ZNF385B: variants seen among roughly 807,000 people sequenced by gnomAD.
The protein encoded by ZNF385B is zinc finger protein 385B, also known as zinc finger protein 533.
Under a neutral mutation model 39.2 loss-of-function variants are expected in ZNF385B, and 23 were observed. The ratio of observed to expected loss-of-function variants is 0.59; its 90% CI spans 0.42 to 0.83. The LOEUF (loss-of-function observed/expected upper bound fraction) is 0.83. ZNF385B is among the 40% of genes least tolerant of loss of function. The probability of loss-of-function intolerance (pLI) is 0.00; values close to 1 mark genes in which losing one functional copy is unlikely to be tolerated. For missense variants in ZNF385B, 552 were observed against 598.9 expected (o/e 0.92, Z 0.82); for synonymous variants, 205 against 222.6 (o/e 0.92, Z 0.70).
chr2:179,467,485 A>G (rs1003392005), intron 6 of ZNF385B, among the ~76,000 whole-genome samples: 4 of 152,222 alleles, frequency 2.6e-5, no homozygotes, highest in African/African-American at 9.6e-5. Context: ...TTAAGTCATA[A>G]GCCCAGAAAT....
chr2:179,541,558 AT>A (rs1185124186), intron 4 of ZNF385B, among the ~76,000 whole-genome samples: 1 of 152,172 alleles, frequency 6.6e-6, no homozygotes, highest in Non-Finnish European at 1.5e-5. Flanking sequence ...AACTGACCTC[AT>A]TTCTTATATT....
At chr2:179,751,879 T>C in intron 3 of ZNF385B, among the ~76,000 whole-genome samples, 1 of 152,124 alleles carries the variant, frequency 6.6e-6, no homozygotes, top group South Asian at 2.1e-4. Context: ...GACTTTAAAA[T>C]CTACTCAAGC....
chr2:179,662,073 G>A (rs2106279576), intron 3 of ZNF385B, among the ~76,000 whole-genome samples: 1 of 152,336 alleles, frequency 6.6e-6, no homozygotes, highest in African/African-American at 2.4e-5. Context: ...ATATAGATTT[G>A]TTATTAGTGA....
At chr2:179,834,526 T>C (rs954811883) in intron 1 of ZNF385B, among the ~76,000 whole-genome samples, 4 of 152,186 alleles carry the variant, frequency 2.6e-5, no homozygotes, top group Non-Finnish European at 5.9e-5. Context: ...ACTGATATTT[T>C]AAAACGAAAG....
chr2:179,518,984 A>T (rs1433823513), intron 4 of ZNF385B, among the ~76,000 whole-genome samples: 1 of 152,166 alleles, frequency 6.6e-6, no homozygotes, highest in African/African-American at 2.4e-5. Context: ...GTTAAAATTA[A>T]CTTTTATTTT....
intron 3 of ZNF385B, among the ~76,000 whole-genome samples, chr2:179,647,333 T>C (rs540943383): frequency 6.6e-6 from 1 of 152,266 alleles, no homozygotes; most frequent in East Asian, 1.9e-4. Flanking sequence ...TTTTGTTACA[T>C]GCATATAACA....
At chr2:179,492,868 G>A (rs574027779) in intron 5 of ZNF385B, among the ~76,000 whole-genome samples, 6 of 152,080 alleles carry the variant, frequency 3.9e-5, no homozygotes, top group South Asian at 2.1e-4. Flanking sequence ...TTTAGTAGTC[G>A]CTTAGCCCAT....
At chr2:179,787,465 A>G (rs1705073587) in intron 1 of ZNF385B, among the ~76,000 whole-genome samples, 1 of 152,144 alleles carries the variant, frequency 6.6e-6, no homozygotes. Flanking sequence ...AAACCAATAC[A>G]ATATCTCTTA....
intron 3 of ZNF385B, among the ~76,000 whole-genome samples, chr2:179,689,253 G>C (rs1698160097): frequency 6.6e-6 from 1 of 152,188 alleles, no homozygotes; most frequent in African/African-American, 2.4e-5. Flanking sequence ...CAATGGTTAT[G>C]ACAAGGAAGA....
chr2:179,717,261 A>G (rs1377778206), intron 3 of ZNF385B, among the ~76,000 whole-genome samples: 1 of 152,230 alleles, frequency 6.6e-6, no homozygotes, highest in Non-Finnish European at 1.5e-5. Flanking sequence ...TGAAGGTAAC[A>G]AAGTCAAACA....
At chr2:179,756,933 T>C (rs1279483805) in intron 3 of ZNF385B, among the ~76,000 whole-genome samples, 1 of 152,178 alleles carries the variant, frequency 6.6e-6, no homozygotes, top group Non-Finnish European at 1.5e-5. Context: ...TCCGAGAAGT[T>C]TGACCACCTG....
intron 3 of ZNF385B, among the ~76,000 whole-genome samples, chr2:179,551,338 T>C (rs549461330): frequency 5.3e-5 from 8 of 151,988 alleles, no homozygotes; most frequent in Non-Finnish European, 7.4e-5. Context: ...CACAGGAGAA[T>C]AGAAAATTCC....
At chr2:179,614,307 A>ATG (rs71401750) in intron 3 of ZNF385B, among the ~76,000 whole-genome samples, 1 of 151,632 alleles carries the variant, frequency 6.6e-6, no homozygotes, top group Admixed American at 6.6e-5. Context: ...CCACTTCTGT[A>ATG]TTTTTTTTCT....
At position 179,861,210 on chromosome 2, in the gene ZNF385B, C is replaced by G. The variant is rs1685037902; in HGVS notation, c.-264G>C. 1 of 152,792 alleles carries G rather than the reference C, an allele frequency of 6.5e-6. No individual in the cohort carries two copies. The highest frequency in any genetic ancestry group is 2.4e-5 in the African/African-American group (1 of 41,408). The allele number at this position is 152,792 out of a possible 1,614,324, so 9.5% of individuals were successfully genotyped here. A position where few individuals can be genotyped will look rare whatever the true frequency, so the allele number is the denominator to read the frequency against. On this transcript the variant is annotated 5_prime_UTR_variant, in exon 1 of 10. Transcript: ENST00000410066. Reference sequence around the variant, plus strand: ...CCGCCAGGGCTGCACCGGGGCTTCGCGCAGACGTTCTCCCGCGATCTGCTG... The same window carrying G: ...CCGCCAGGGCTGCACCGGGGCTTCGGGCAGACGTTCTCCCGCGATCTGCTG...
At chr2:179,626,204 C>T (rs1335124183) in intron 3 of ZNF385B, among the ~76,000 whole-genome samples, 1 of 152,006 alleles carries the variant, frequency 6.6e-6, no homozygotes, top group Non-Finnish European at 1.5e-5. Flanking sequence ...TATTTTGTTC[C>T]ATTTTCTTTC....
chr2:179,827,819 A>G (rs536547154), intron 1 of ZNF385B, among the ~76,000 whole-genome samples: 8 of 152,312 alleles, frequency 5.3e-5, no homozygotes, highest in African/African-American at 1.9e-4. Flanking sequence ...AGCTAGCATC[A>G]AGATCGACAA....
At chr2:179,755,014 T>A (rs1035510289) in intron 3 of ZNF385B, among the ~76,000 whole-genome samples, 3 of 152,212 alleles carry the variant, frequency 2.0e-5, no homozygotes, top group African/African-American at 7.2e-5. Context: ...GTTCTTTCGA[T>A]TGTGATGTTA....
intron 3 of ZNF385B, among the ~76,000 whole-genome samples, chr2:179,633,418 T>G (rs1237764555): frequency 6.6e-6 from 1 of 152,172 alleles, no homozygotes; most frequent in Non-Finnish European, 1.5e-5. Flanking sequence ...TCAATAAACG[T>G]ACTCCATCAC....
At chr2:179,765,223 C>A (rs1703619149) in intron 3 of ZNF385B, among the ~76,000 whole-genome samples, 1 of 152,142 alleles carries the variant, frequency 6.6e-6, no homozygotes. Context: ...CTCAAAGCTC[C>A]AAGATTCATT....
Sources: gnomAD v4.1 joint callset for allele counts (sites outside exome capture counted in the v4.1 genomes callset) on GRCh38, gnomAD v4.1.1 for gene constraint, MANE v1.5 for transcripts, NCBI Gene and HGNC (gene_info 2026-07-23, HGNC 2026-07-21) for gene names.